The following ADCY10 variants were observed in gnomAD, a reference collection of about 807,000 sequenced individuals.
The protein encoded by ADCY10 is adenylate cyclase 10.
Under a neutral mutation model 183.3 loss-of-function variants are expected in ADCY10, and 156 were observed. That is an observed-to-expected ratio of 0.85 (90% CI 0.75 to 0.97). ADCY10 has a LOEUF of 0.97. Ranked by LOEUF, ADCY10 falls within the 50% of genes least tolerant of loss-of-function variation. The pLI is 0.00. For missense variants in ADCY10, 1,745 were observed against 1,934.3 expected (o/e 0.90, Z 1.84); for synonymous variants, 645 against 670.0 (o/e 0.96, Z 0.58).
At chr1:167,880,642 T>G (rs932216604) in intron 9 of ADCY10, 33 bp from the exon 10 acceptor site, 13 of 1,510,188 alleles carry the variant, frequency 8.6e-6, no homozygotes, top group Non-Finnish European at 1.2e-5. Context: ...CCACAGCTGA[T>G]GGACAGTGTG....
At chr1:167,875,925 C>T (rs1457320229) in intron 12 of ADCY10, among the ~76,000 whole-genome samples, 2 of 151,740 alleles carry the variant, frequency 1.3e-5, no homozygotes, top group African/African-American at 2.4e-5. Context: ...TGCACTCCAG[C>T]GTGGGCAGCA....
chr1:167,860,046 T>A (rs1319928822), intron 15 of ADCY10, among the ~76,000 whole-genome samples, 153 bp from the exon 16 acceptor site: 1 of 152,200 alleles, frequency 6.6e-6, no homozygotes, highest in Non-Finnish European at 1.5e-5. Context: ...CAGGGACTAG[T>A]TTTGTGGAAA....
chr1:167,836,964 G>T, intron 22 of ADCY10: 2 of 410,842 alleles, frequency 4.9e-6, no homozygotes, highest in South Asian at 4.8e-5. Flanking sequence ...GGCGGAGGTT[G>T]CAGTGAGCTG....
At chr1:167,908,647 T>C (rs1162270018) in intron 1 of ADCY10, among the ~76,000 whole-genome samples, 1 of 152,224 alleles carries the variant, frequency 6.6e-6, no homozygotes. Flanking sequence ...AAACATCACA[T>C]TGTACACCAT....
intron 8 of ADCY10, among the ~76,000 whole-genome samples, chr1:167,887,242 C>A (rs1668290174): frequency 6.6e-6 from 1 of 152,200 alleles, no homozygotes. Flanking sequence ...AAGACACATG[C>A]ACATGTATGT....
chr1:167,820,043 T>G, intron 30 of ADCY10: 1 of 1,577,856 alleles, frequency 6.3e-7, no homozygotes, highest in South Asian at 1.1e-5. Flanking sequence ...CAGTTCTACG[T>G]TTCAAAGCCT....
At chr1:167,859,068 A>G (rs1187212415) in intron 16 of ADCY10, among the ~76,000 whole-genome samples, 1 of 152,222 alleles carries the variant, frequency 6.6e-6, no homozygotes, top group Non-Finnish European at 1.5e-5. Context: ...GCTACTAATG[A>G]AATCAAGGAT....
At chr1:167,861,986 A>G (rs962106833) in intron 14 of ADCY10, among the ~76,000 whole-genome samples, 4 of 152,194 alleles carry the variant, frequency 2.6e-5, no homozygotes. Flanking sequence ...TGTCATGATT[A>G]TAATTTTCCT....
rs140722567 is a variant in ADCY10 at position 167,856,216 on chromosome 1, T to C, written c.2120A>G (p.Asn707Ser). The C allele has an allele frequency of 6.2e-6, 10 of 1,613,768 alleles. No individual in the cohort carries two copies. The highest frequency in any genetic ancestry group is 2.2e-5 in the South Asian group (2 of 91,074). Residue 707 changes from asparagine to serine, a missense_variant, in exon 17 of 33, where the codon AAC (asparagine) becomes AGC (serine). Physicochemically the swap from Asn to Ser is conservative, Grantham distance 46. Coordinates refer to ENST00000367851, the MANE Select transcript of ADCY10 (RefSeq NM_018417.6). ...CACATTGAGGTCAAGACAGATCTTG[T>C]TGGAGATGTCGTTAGGCTGTACTGC... ...IGAVQPNDIS[N>S]KICLDLNVSC...
Position 167,824,571 on chromosome 1 carries a change from G to A in ADCY10, c.3957C>T (p.Gly1319=), listed in dbSNP as rs781086195. The stretch of plus-strand genomic sequence containing the variant: ...GTGCCCACATCTGAAGGGCTCGGGA[G>A]CCTGGGAAGAAAACAATTCCAGTAT... ...MGHLDLAIEL[G]SRALQMWALL... Residue 1319 remains glycine (G), a splice_region_variant and synonymous_variant, in exon 28 of 33, where the codon GGC becomes GGT. Coordinates refer to ENST00000367851, the MANE Select transcript of ADCY10 (RefSeq NM_018417.6). The A allele has an allele frequency of 2.5e-6, 4 of 1,614,062 alleles. No homozygotes were observed. The highest frequency in any genetic ancestry group is 2.7e-5 in the African/African-American group (2 of 74,924).
rs181489208 is a variant in ADCY10, at chr1:167,818,036, C to T, written c.4482+36G>A. 43 of 1,577,148 alleles carry T rather than the reference C, an allele frequency of 2.7e-5. No homozygotes were observed. In the African/African-American group the frequency reaches 5.4e-4, roughly 20 times the overall value. ...GAAGTAGACAGAGATCCATTTAAGG[C>T]ATATTTTATACTGGAAACTGGAGAA... On this transcript the variant is annotated intron_variant, in intron 31 of 32. Transcript: ENST00000367851.
chr1:167,903,075 TA>T (rs1288485047), intron 3 of ADCY10, among the ~76,000 whole-genome samples: 5 of 151,454 alleles, frequency 3.3e-5, no homozygotes, highest in Non-Finnish European at 7.4e-5. Context: ...GCCAACATGG[TA>T]AAACCCTATC....
Position 167,893,955 on chromosome 1 carries a change from A to G in ADCY10, c.740-14T>C, listed in dbSNP as rs1279612492. ...GCCTCAGGAGGTCTAAGAAGGCAGA[A>G]GGAGGGTGCAGGCTCAGAGAGGGAA... On this transcript the variant is annotated splice_polypyrimidine_tract_variant and intron_variant, in intron 7 of 32. Transcript: ENST00000367851. The G allele has an allele frequency of 6.2e-7, 1 of 1,600,940 alleles. No individual in the cohort carries two copies. The highest frequency in any genetic ancestry group is 8.6e-7 in the Non-Finnish European group (1 of 1,168,442).
chr1:167,903,671 A>T (rs1217570282), intron 3 of ADCY10, among the ~76,000 whole-genome samples: 1 of 152,130 alleles, frequency 6.6e-6, no homozygotes, highest in East Asian at 1.9e-4. Flanking sequence ...AACACAAAAC[A>T]TCCCTTCCCT....
rs377614837 is a variant in ADCY10 at position 167,912,710 on chromosome 1, C to T, written c.-59+1266G>A. ...TTCTTGCCTATTAAACTCTCCGATCCTTAAAATCACTCCACATGTGTCTGT... is the reference window on the plus strand; with the variant it reads ...TTCTTGCCTATTAAACTCTCCGATCTTTAAAATCACTCCACATGTGTCTGT... On this transcript the variant is annotated intron_variant, in intron 1 of 32. Transcript: ENST00000367851. Among the ~76,000 whole-genome samples, 4 of 152,202 alleles carry T rather than the reference C, an allele frequency of 2.6e-5. No individual in the cohort carries two copies. The South Asian group carries it at 6.2e-4, about 24-fold the overall frequency.
In ADCY10 at chr1:167,845,616, T is replaced by C; in HGVS notation, c.2954A>G (p.Asn985Ser). ...YHHFTVNIRLNALDMDAIKKM... is the reference protein window; with the variant it reads ...YHHFTVNIRLSALDMDAIKKM... ...TTTAATGGCATCCATGTCTAAAGCG[T>C]TGAGCCGAATATTCACTGTGAAGTG... Residue 985 changes from asparagine (N) to serine (S), a missense_variant, in exon 21 of 33, where the codon AAC (asparagine) becomes AGC (serine). Transcript: ENST00000367851. 6.2e-7 allele frequency: 1 copy of C among 1,614,262 alleles called. No individual in the cohort carries two copies. The highest frequency in any genetic ancestry group is 8.5e-7 in the Non-Finnish European group (1 of 1,180,042).
intron 21 of ADCY10, among the ~76,000 whole-genome samples, chr1:167,845,247 C>A (rs1039082268): frequency 1.3e-5 from 2 of 152,170 alleles, no homozygotes; most frequent in African/African-American, 4.8e-5. Flanking sequence ...ATTGTACCCC[C>A]CTTTGGATTC....
At chr1:167,878,371 G>C (rs1667623917) in intron 12 of ADCY10, 75 bp downstream of exon 12, 1 of 1,515,332 alleles carries the variant, frequency 6.6e-7, no homozygotes, top group Non-Finnish European at 9.1e-7. Flanking sequence ...AATCTTAAAT[G>C]GGTGACTGCT....
intron 8 of ADCY10, among the ~76,000 whole-genome samples, chr1:167,885,467 T>C (rs1216782747): frequency 1.3e-5 from 2 of 152,248 alleles, no homozygotes; most frequent in Non-Finnish European, 2.9e-5. Flanking sequence ...GCCTGTCTTT[T>C]GGATAAAAGT....
Sources: gnomAD v4.1 joint callset for allele counts (sites outside exome capture counted in the v4.1 genomes callset) on GRCh38, gnomAD v4.1.1 for gene constraint, MANE v1.5 for transcripts, NCBI Gene and HGNC (gene_info 2026-07-23, HGNC 2026-07-21) for gene names.